KIDINS220: variants seen among roughly 807,000 people sequenced by gnomAD.
KIDINS220 encodes kinase D interacting substrate 220.
A neutral mutation model predicts 157.6 loss-of-function variants in KIDINS220; 63 were observed. The ratio of observed to expected loss-of-function variants is 0.40; its 90% confidence interval spans 0.33 to 0.49. The LOEUF is 0.49. Among genes scored for constraint, KIDINS220 ranks in the 20% least tolerant of loss-of-function variants. KIDINS220 has a pLI of 0.66. For synonymous variants in KIDINS220, 732 were observed against 783.6 expected (o/e 0.93, Z 1.10); for missense variants, 1,772 against 2,171.2 (o/e 0.82, Z 3.65).
chr2:8,769,431 C>G (rs1011702799), intron 22 of KIDINS220, among the ~76,000 whole-genome samples: 7 of 152,178 alleles, frequency 4.6e-5, no homozygotes, highest in African/African-American at 1.7e-4. Context: ...AGTTCCTAAA[C>G]GAAGGCTTAT....
chr2:8,726,021 C>T (rs1221242494), downstream of KIDINS220, among the ~76,000 whole-genome samples: 1 of 152,200 alleles, frequency 6.6e-6, no homozygotes, highest in African/African-American at 2.4e-5. Flanking sequence ...ATTTCGTGTG[C>T]TTTGAAGCAG....
At chr2:8,768,500 A>G (rs1326466079) in intron 22 of KIDINS220, among the ~76,000 whole-genome samples, 1 of 152,184 alleles carries the variant, frequency 6.6e-6, no homozygotes, top group African/African-American at 2.4e-5. Context: ...CCAAGAACCA[A>G]CATTTTCTTT....
At chr2:8,774,898 A>C (rs1670755177) in intron 21 of KIDINS220, among the ~76,000 whole-genome samples, 1 of 152,188 alleles carries the variant, frequency 6.6e-6, no homozygotes, top group Non-Finnish European at 1.5e-5. Context: ...CGTATGGAGA[A>C]TAGGCTGTAG....
At chr2:8,741,258 G>A (rs1414479963) in intron 26 of KIDINS220, among the ~76,000 whole-genome samples, 1 of 152,194 alleles carries the variant, frequency 6.6e-6, no homozygotes, top group East Asian at 1.9e-4. Context: ...TACATTTTAA[G>A]AGCAATCTTT....
intron 1 of KIDINS220, 161 bp downstream of exon 1, chr2:8,837,319 A>C (rs1680570168): frequency 6.6e-6 from 1 of 151,246 alleles, no homozygotes; most frequent in Non-Finnish European, 1.5e-5. Flanking sequence ...GGCCCGCGCC[A>C]TGCCCTCCCC....
chr2:8,776,987 A>G (rs991649813), intron 20 of KIDINS220, 95 bp from the exon 21 acceptor site: 50 of 1,374,240 alleles, frequency 3.6e-5, no homozygotes, highest in Non-Finnish European at 4.8e-5. Flanking sequence ...TAACAAAAAA[A>G]AAATCCAAAG....
At chr2:8,797,923 TA>T (rs1297802750) in intron 10 of KIDINS220, among the ~76,000 whole-genome samples, 4 of 152,214 alleles carry the variant, frequency 2.6e-5, no homozygotes. Flanking sequence ...AACAGTGGCA[TA>T]AATGAATTTG....
chr2:8,765,267 T>A (rs1669320971), intron 22 of KIDINS220, among the ~76,000 whole-genome samples: 1 of 152,246 alleles, frequency 6.6e-6, no homozygotes. Flanking sequence ...TCATTTGCAC[T>A]TTATACTATC....
At chr2:8,727,679 G>C (rs190771233), downstream of KIDINS220, among the ~76,000 whole-genome samples, 31 of 152,320 alleles carry the variant, frequency 2.0e-4, no homozygotes, top group Admixed American at 5.2e-4. Flanking sequence ...GGTCTCGAGA[G>C]TAGCATTTTC....
intron 2 of KIDINS220, among the ~76,000 whole-genome samples, chr2:8,823,858 G>A (rs1678362099): frequency 6.6e-6 from 1 of 151,840 alleles, no homozygotes; most frequent in Admixed American, 6.6e-5. Context: ...AACAACTTTT[G>A]ACTATTCATA....
intron 22 of KIDINS220, among the ~76,000 whole-genome samples, chr2:8,761,991 C>T (rs1415978824): frequency 6.6e-6 from 1 of 152,122 alleles, no homozygotes; most frequent in Non-Finnish European, 1.5e-5. Context: ...TCTGTCAAGG[C>T]ATATGTAATT....
chr2:8,835,821 C>T (rs573438957), intron 1 of KIDINS220, among the ~76,000 whole-genome samples: 2 of 152,092 alleles, frequency 1.3e-5, no homozygotes, highest in Non-Finnish European at 2.9e-5. Context: ...CTGACAAATA[C>T]AGTAGCACAT....
rs2148331606 is a variant in KIDINS220 at position 8,803,024 on chromosome 2, C to T, written c.707G>A (p.Gly236Glu). The change falls in exon 8 of 30, where the codon GGA (glycine) becomes GAA (glutamate). Residue 236 changes from glycine (G) to glutamate (E), a missense_variant. Gly to Glu is a moderately conservative substitution (Grantham distance 98). Around this residue, in one of 3 missense-constraint regions of KIDINS220, gnomAD observed 725 missense variants for 1,017.1 expected, o/e 0.71. Coordinates refer to ENST00000256707, the MANE Select transcript of KIDINS220 (RefSeq NM_020738.4). Reference sequence around the variant, plus strand: ...TGATGCAATCATCAAAGCTGTATTTCCATCTTTATCTGTTAAGTTTACATT... The same window carrying T: ...TGATGCAATCATCAAAGCTGTATTTTCATCTTTATCTGTTAAGTTTACATT... ...NPNVNLTDKDGNTALMIASKE... is the reference protein window; with the variant it reads ...NPNVNLTDKDENTALMIASKE... 1 of 1,613,612 alleles carries T rather than the reference C, an allele frequency of 6.2e-7. No homozygotes were observed. The highest frequency in any genetic ancestry group is 1.1e-5 in the South Asian group (1 of 91,072).
intron 26 of KIDINS220, among the ~76,000 whole-genome samples, chr2:8,742,581 T>C (rs1165023091): frequency 6.6e-6 from 1 of 152,252 alleles, no homozygotes; most frequent in Non-Finnish European, 1.5e-5. Context: ...TTAAACTTTG[T>C]GCTAATTATT....
At position 8,817,801 on chromosome 2, in the gene KIDINS220, C is replaced by A; in HGVS notation, c.208-85G>T. On this transcript the variant is annotated intron_variant, in intron 3 of 29. Coordinates refer to ENST00000256707, the MANE Select transcript of KIDINS220 (RefSeq NM_020738.4). ...GAAAACTACATTTGAACTTACATACCAAATGATCATACCAAGTTGACATGG... is the reference window on the plus strand; with the variant it reads ...GAAAACTACATTTGAACTTACATACAAAATGATCATACCAAGTTGACATGG... The A allele has an allele frequency of 4.6e-6, 4 of 861,356 alleles. No individual in the cohort carries two copies. The South Asian group carries it at 7.1e-5, about 15-fold the overall frequency. The allele number at this position is 861,356 out of a possible 1,614,324, so 53.4% of individuals were successfully genotyped here.
intron 2 of KIDINS220, among the ~76,000 whole-genome samples, chr2:8,820,535 G>A (rs1410285819): frequency 4.6e-5 from 7 of 152,050 alleles, no homozygotes; most frequent in East Asian, 1.9e-4. Flanking sequence ...ATTTAAACAC[G>A]AACGCTGGTT....
At chr2:8,790,167 T>A in intron 13 of KIDINS220, 108 bp from the exon 14 acceptor site, 1 of 987,688 alleles carries the variant, frequency 1.0e-6, no homozygotes, top group Non-Finnish European at 1.5e-6. Context: ...TATTGGACAC[T>A]TAGTAGGTCC....
At chr2:8,803,807 C>T (rs896902199) in intron 7 of KIDINS220, among the ~76,000 whole-genome samples, 1 of 152,084 alleles carries the variant, frequency 6.6e-6, no homozygotes, top group Non-Finnish European at 1.5e-5. Context: ...GCCAGGAGTT[C>T]AAGACCAGCC....
Position 8,730,938 on chromosome 2 carries a change from C to A in KIDINS220, c.5098G>T (p.Asp1700Tyr), listed in dbSNP as rs1182009743. 6.2e-7 allele frequency: 1 copy of A among 1,614,048 alleles called. No homozygotes were observed. The highest frequency in any genetic ancestry group is 8.5e-7 in the Non-Finnish European group (1 of 1,180,036). ...APANRANQNF[D>Y]EMEGIRETSQ... ...GTCTCCCTAATTCCCTCCATCTCAT[C>A]GAAATTTTGATTGGCTCTGTTGGCT... is the stretch of plus-strand genomic sequence containing the variant. Residue 1700 changes from aspartate to tyrosine, a missense_variant, in exon 30 of 30, where the codon GAT becomes TAT. Asp to Tyr is a radical substitution (Grantham distance 160). Transcript: ENST00000256707.
Sources: allele counts gnomAD v4.1 joint callset (sites outside exome capture counted in the v4.1 genomes callset), GRCh38; gene constraint gnomAD v4.1.1; regional missense constraint gnomAD v4.1.1; transcripts MANE v1.5; gene names NCBI Gene and HGNC (gene_info 2026-07-23, HGNC 2026-07-21).